The following HDAC4 variants were observed in gnomAD, a reference collection of about 807,000 sequenced individuals.
HDAC4 encodes histone deacetylase 4.
Under a neutral mutation model 135.1 loss-of-function variants are expected in HDAC4, and 16 were observed. The observed-to-expected ratio is 0.12, with a 90% confidence interval of 0.08 to 0.18. HDAC4 has a LOEUF of 0.18. HDAC4 is among the 10% of genes least tolerant of loss of function. HDAC4 has a pLI of 1.00. For synonymous variants in HDAC4, 685 were observed against 653.4 expected (o/e 1.05, Z -0.74); for missense variants, 1,143 against 1,511.8 (o/e 0.76, Z 4.05).
intron 2 of HDAC4, among the ~76,000 whole-genome samples, chr2:239,339,490 G>C (rs1692160308): frequency 6.6e-6 from 1 of 152,206 alleles, no homozygotes; most frequent in Non-Finnish European, 1.5e-5. Flanking sequence ...TAAATGCTCT[G>C]ATCTGGACAT....
intron 2 of HDAC4, among the ~76,000 whole-genome samples, chr2:239,318,956 CG>C (rs1310629488): frequency 5.9e-5 from 9 of 152,086 alleles, no homozygotes; most frequent in African/African-American, 7.2e-5. Context: ...TGCCAAGGAA[CG>C]GAACAGCCCC....
intron 2 of HDAC4, among the ~76,000 whole-genome samples, chr2:239,350,006 T>C (rs1458528061): frequency 6.6e-6 from 1 of 152,088 alleles, no homozygotes; most frequent in African/African-American, 2.4e-5. Flanking sequence ...GTGATCAAAC[T>C]GAACCGCAGC....
Position 239,115,892 on chromosome 2 carries a change from G to A in HDAC4, c.1534-582C>T, listed in dbSNP as rs779232603. Among the ~76,000 whole-genome samples the A allele has an allele frequency of 4.6e-5, 7 of 151,988 alleles. No homozygotes were observed. Among genetic ancestry groups the A allele is most frequent in the African/African-American group, 1.5e-4 (6 of 41,364 alleles). ...TCCTGCTGAATCCCAGGGATGCCAC[G>A]GCCTCCCCTTCTGCAGGATCTCAGG... is the stretch of plus-strand genomic sequence containing the variant. On this transcript the variant is annotated intron_variant, in intron 12 of 26. Coordinates refer to ENST00000543185, the MANE Select transcript of HDAC4 (RefSeq NM_001378414.1). This position sits in a 1 kb window ranked among gnomAD's most constrained non-coding sequence, Gnocchi z 6.3.
intron 2 of HDAC4, among the ~76,000 whole-genome samples, chr2:239,239,755 T>C (rs184420418): frequency 6.6e-6 from 1 of 152,322 alleles, no homozygotes; most frequent in East Asian, 1.9e-4. Flanking sequence ...CTTTGTAGAA[T>C]GACATGGAAA....
At chr2:239,397,093 A>C (rs965956248) in intron 1 of HDAC4, among the ~76,000 whole-genome samples, 3 of 152,264 alleles carry the variant, frequency 2.0e-5, no homozygotes, top group African/African-American at 7.2e-5. Context: ...AGAAAGTCTA[A>C]CGACACTGAA....
rs1015987877 is a variant in HDAC4 at position 239,307,977 on chromosome 2, C to A, written c.22+44701G>T. ...CAACAGCCAGCAAAGTGTCCCCATC[C>A]CCCCCAAAGTGAGCGGCCACACAGC... On this transcript the variant is annotated intron_variant, in intron 2 of 26. Coordinates refer to ENST00000543185, the MANE Select transcript of HDAC4 (RefSeq NM_001378414.1). The surrounding 1 kb of genome is among the most constrained non-coding windows in gnomAD (Gnocchi z 4.8). Among the ~76,000 whole-genome samples, 2 of 152,138 alleles carry A rather than the reference C, an allele frequency of 1.3e-5. No homozygotes were observed. The highest frequency in any genetic ancestry group is 4.8e-5 in the African/African-American group (2 of 41,418).
rs139113741 is a variant in HDAC4 at position 239,368,534 on chromosome 2, G to A, written c.-219-15616C>T. 9.4e-3 allele frequency among the ~76,000 whole-genome samples: 1,427 copies of A among 152,238 alleles called. 10 individuals carry two copies. Among genetic ancestry groups the A allele is most frequent in the Admixed American group, 0.017 (254 of 15,310 alleles). On this transcript the variant is annotated intron_variant, in intron 1 of 26. Coordinates refer to ENST00000543185, the MANE Select transcript of HDAC4 (RefSeq NM_001378414.1). ...AACTGGAAACTGACGTGTCCCAGCC[G>A]CCCACCCACTTCCTTCTCCATTGGG...
chr2:239,095,199 C>T (rs2036903769), intron 16 of HDAC4, 143 bp from the exon 17 acceptor site: 1 of 850,038 alleles, frequency 1.2e-6, no homozygotes, highest in Non-Finnish European at 1.9e-6. Context: ...TTGTGACACC[C>T]TGTGGCCCTG....
intron 3 of HDAC4, among the ~76,000 whole-genome samples, chr2:239,222,207 C>A (rs550200841): frequency 6.6e-6 from 1 of 152,202 alleles, no homozygotes; most frequent in Admixed American, 6.5e-5. Context: ...TCCCTGGGTG[C>A]TGGCCGTACC....
intron 2 of HDAC4, among the ~76,000 whole-genome samples, chr2:239,269,638 C>T (rs1248764186): frequency 6.6e-6 from 1 of 152,214 alleles, no homozygotes; most frequent in Non-Finnish European, 1.5e-5. Flanking sequence ...ACTGCGAGCC[C>T]GTGCGCTTTC....
At chr2:239,109,925 C>T (rs2038516740) in intron 14 of HDAC4, among the ~76,000 whole-genome samples, 1 of 152,162 alleles carries the variant, frequency 6.6e-6, no homozygotes, top group Non-Finnish European at 1.5e-5. Flanking sequence ...CCTTTACAGA[C>T]AGAAAAGCTG....
intron 14 of HDAC4, 151 bp downstream of exon 14, chr2:239,111,375 C>G: frequency 1.4e-6 from 1 of 740,180 alleles, no homozygotes; most frequent in Non-Finnish European, 2.3e-6. Context: ...GCCTCTGTGA[C>G]AGACCTGTGT....
At chr2:239,174,202 G>C (rs540930069) in intron 5 of HDAC4, among the ~76,000 whole-genome samples, 27 of 152,274 alleles carry the variant, frequency 1.8e-4, no homozygotes, top group African/African-American at 6.5e-4. Context: ...GAGAATTTCT[G>C]TGCCTGAAAG....
chr2:239,182,060 T>C (rs1343148542), intron 4 of HDAC4, among the ~76,000 whole-genome samples: 3 of 152,158 alleles, frequency 2.0e-5, no homozygotes, highest in Non-Finnish European at 4.4e-5. Flanking sequence ...TCTGGGCATG[T>C]ACAGATTCAG....
chr2:239,117,980 C>T (rs919663167), intron 12 of HDAC4, among the ~76,000 whole-genome samples: 6 of 152,206 alleles, frequency 3.9e-5, no homozygotes, highest in African/African-American at 9.7e-5. Flanking sequence ...TCACGCGAGG[C>T]GGCCTCTCCA....
At chr2:239,161,169 G>A (rs1322084953) in intron 6 of HDAC4, among the ~76,000 whole-genome samples, 3 of 152,162 alleles carry the variant, frequency 2.0e-5, no homozygotes, top group East Asian at 1.9e-4. Context: ...TTATAGGAAC[G>A]AGCTCTACAT....
intron 26 of HDAC4, 135 bp from the exon 27 acceptor site, chr2:239,053,271 T>A (rs542302422): frequency 1.5e-6 from 2 of 1,350,726 alleles, no homozygotes; most frequent in Middle Eastern, 4.2e-4. Flanking sequence ...CCCGGGTCCA[T>A]CTGTTCAGGA....
chr2:239,235,470 A>G (rs2047832989), intron 3 of HDAC4, among the ~76,000 whole-genome samples: 1 of 152,262 alleles, frequency 6.6e-6, no homozygotes, highest in Admixed American at 6.5e-5. Context: ...GGTGCAGCAG[A>G]GCCAAAACCA....
intron 2 of HDAC4, among the ~76,000 whole-genome samples, chr2:239,277,869 A>G (rs951594502): frequency 8.0e-5 from 12 of 150,740 alleles, no homozygotes; most frequent in Non-Finnish European, 1.6e-4. Context: ...AACTGAGAAT[A>G]CTCTCCGCTC....
Sources: gnomAD v4.1 joint callset for allele counts (sites outside exome capture counted in the v4.1 genomes callset) on GRCh38, gnomAD v4.1.1 for gene constraint, Gnocchi (gnomAD v3.1) non-coding constraint, MANE v1.5 for transcripts, NCBI Gene and HGNC (gene_info 2026-07-23, HGNC 2026-07-21) for gene names.